The following SCFD2 variants were observed in gnomAD, a reference collection of about 807,000 sequenced individuals.
SCFD2 encodes the protein sec1 family domain containing 2.
In SCFD2, 54 loss-of-function variants were observed where a neutral mutation model predicts 58.9. The observed-to-expected ratio is 0.92, with a 90% confidence interval of 0.74 to 1.15. The LOEUF is 1.15. Ranked by LOEUF, SCFD2 falls within the 50% of genes most tolerant of loss-of-function variation. The pLI is 0.00. For missense variants in SCFD2, 805 were observed against 836.6 expected (o/e 0.96, Z 0.47); for synonymous variants, 321 against 335.9 (o/e 0.96, Z 0.49).
intron 5 of SCFD2, among the ~76,000 whole-genome samples, chr4:53,114,724 G>A (rs1237126331): frequency 6.6e-6 from 1 of 151,902 alleles, no homozygotes; most frequent in Non-Finnish European, 1.5e-5. Context: ...CATATCAGAA[G>A]GAAAAGTGGA....
At chr4:53,022,383 C>T (rs879398943) in intron 5 of SCFD2, among the ~76,000 whole-genome samples, 2 of 152,174 alleles carry the variant, frequency 1.3e-5, no homozygotes, top group African/African-American at 2.4e-5. Context: ...TGAAGGCTCA[C>T]ATTAAATCAG....
rs1734612951 is a variant in SCFD2, at chr4:53,363,675, T to C, written c.838+1429A>G. The stretch of plus-strand genomic sequence containing the variant: ...CGTCTCTACTAAAAATACGAAAAGT[T>C]AGCCCGGCGTAGTGGCGGGCGCCTG... On this transcript the variant is annotated intron_variant, in intron 1 of 8. Coordinates refer to ENST00000401642, the MANE Select transcript of SCFD2 (RefSeq NM_152540.4). 2.6e-5 allele frequency among the ~76,000 whole-genome samples: 4 copies of C among 151,944 alleles called. No individual in the cohort carries two copies. In the South Asian group the frequency reaches 8.3e-4, roughly 32 times the overall value.
At chr4:53,069,942 T>C (rs1723771576) in intron 5 of SCFD2, among the ~76,000 whole-genome samples, 1 of 152,070 alleles carries the variant, frequency 6.6e-6, no homozygotes, top group African/African-American at 2.4e-5. Flanking sequence ...AGCTTCATAA[T>C]TAACTATTTT....
rs1300952414 is a variant in SCFD2 at position 53,365,023 on chromosome 4, T to C, written c.838+81A>G. 4 of 1,472,684 alleles carry C rather than the reference T, an allele frequency of 2.7e-6. No homozygotes were observed. The East Asian group carries it at 9.1e-5, about 33-fold the overall frequency. The allele number at this position is 1,472,684 out of a possible 1,614,324, so 91.2% of individuals were successfully genotyped here. ...CCTCAATCTAATATATAATAAAAGG[T>C]CAATAAAATATATGCTGAATCAATG... On this transcript the variant is annotated intron_variant, in intron 1 of 8. Coordinates refer to ENST00000401642, the MANE Select transcript of SCFD2 (RefSeq NM_152540.4). This position sits in a 1 kb window ranked among gnomAD's most constrained non-coding sequence, Gnocchi z 4.3.
At chr4:52,947,887 A>G (rs949917474) in intron 5 of SCFD2, among the ~76,000 whole-genome samples, 9 of 151,772 alleles carry the variant, frequency 5.9e-5, no homozygotes, top group Non-Finnish European at 8.8e-5. Flanking sequence ...CATAAAACCA[A>G]CAAAGGATTA....
chr4:53,299,021 T>G (rs1732162057), intron 3 of SCFD2, among the ~76,000 whole-genome samples: 1 of 151,668 alleles, frequency 6.6e-6, no homozygotes, highest in African/African-American at 2.4e-5. Context: ...AAACAGAAAC[T>G]CTAAAAATCA....
intron 4 of SCFD2, among the ~76,000 whole-genome samples, chr4:53,250,416 C>T (rs972921880): frequency 4.6e-5 from 7 of 152,200 alleles, no homozygotes; most frequent in Non-Finnish European, 8.8e-5. Context: ...AACAAGGATA[C>T]CCAGGAATTG....
intron 7 of SCFD2, among the ~76,000 whole-genome samples, chr4:52,891,144 G>T (rs2109452818): frequency 6.6e-6 from 1 of 152,074 alleles, no homozygotes; most frequent in Non-Finnish European, 1.5e-5. Context: ...ATTAGTAACA[G>T]CACTGCCACT....
At chr4:53,104,143 AG>A (rs1223244563) in intron 5 of SCFD2, among the ~76,000 whole-genome samples, 1 of 152,120 alleles carries the variant, frequency 6.6e-6, no homozygotes, top group Admixed American at 6.6e-5. Context: ...TACTTCCTAA[AG>A]AGTTGAGTAT....
chr4:53,040,972 T>C (rs2148824399), intron 5 of SCFD2, among the ~76,000 whole-genome samples: 1 of 152,242 alleles, frequency 6.6e-6, no homozygotes, highest in South Asian at 2.1e-4. Context: ...TTCCCTTATT[T>C]GGTGAAAGAA....
intron 5 of SCFD2, among the ~76,000 whole-genome samples, chr4:52,961,532 T>C (rs1720852271): frequency 6.6e-6 from 1 of 151,316 alleles, no homozygotes; most frequent in Non-Finnish European, 1.5e-5. Flanking sequence ...GAAGGAGAAA[T>C]GTCAGGGTGT....
At chr4:52,886,053 C>T (rs1043335296) in intron 7 of SCFD2, among the ~76,000 whole-genome samples, 187 bp from the exon 8 acceptor site, 1 of 152,178 alleles carries the variant, frequency 6.6e-6, no homozygotes, top group Non-Finnish European at 1.5e-5. Flanking sequence ...TAAAACCTAG[C>T]TACAAGTCCC....
At chr4:53,246,545 C>A (rs767296567) in intron 4 of SCFD2, among the ~76,000 whole-genome samples, 2 of 152,040 alleles carry the variant, frequency 1.3e-5, no homozygotes, top group Non-Finnish European at 2.9e-5. Context: ...TAAGGCTGCA[C>A]GCCTGTGACC....
chr4:53,175,341 T>C (rs1237593817), intron 4 of SCFD2, among the ~76,000 whole-genome samples: 5 of 152,156 alleles, frequency 3.3e-5, no homozygotes, highest in Non-Finnish European at 5.9e-5. Flanking sequence ...TTGAGACAAA[T>C]TGTAATGTTT....
At chr4:53,182,395 A>C (rs1452453726) in intron 4 of SCFD2, among the ~76,000 whole-genome samples, 1 of 152,202 alleles carries the variant, frequency 6.6e-6, no homozygotes, top group Admixed American at 6.5e-5. Context: ...AAAAACAAGC[A>C]ATGGGGAAAG....
At chr4:53,205,840 C>T (rs1161049423) in intron 4 of SCFD2, among the ~76,000 whole-genome samples, 2 of 149,648 alleles carry the variant, frequency 1.3e-5, no homozygotes, top group Non-Finnish European at 3.0e-5. Flanking sequence ...CCAGCCTGGG[C>T]TATTGAGCGA....
At chr4:53,156,737 TTAA>T (rs1726702112) in intron 4 of SCFD2, among the ~76,000 whole-genome samples, 1 of 152,336 alleles carries the variant, frequency 6.6e-6, no homozygotes. Context: ...GTCAAACTTA[TTAA>T]TCTTATTGAC....
At chr4:53,254,985 G>C (rs1730552249) in intron 4 of SCFD2, among the ~76,000 whole-genome samples, 1 of 150,226 alleles carries the variant, frequency 6.7e-6, no homozygotes, top group Non-Finnish European at 1.5e-5. Context: ...CCATTCTCCT[G>C]CCTCAGCCTC....
chr4:53,126,204 C>T (rs1725622176), intron 5 of SCFD2, among the ~76,000 whole-genome samples: 1 of 152,202 alleles, frequency 6.6e-6, no homozygotes, highest in Non-Finnish European at 1.5e-5. Context: ...TTTGCCAGTA[C>T]TACCTTAGAT....
Sources: gnomAD v4.1 joint callset for allele counts (sites outside exome capture counted in the v4.1 genomes callset) on GRCh38, gnomAD v4.1.1 for gene constraint, Gnocchi (gnomAD v3.1) non-coding constraint, MANE v1.5 for transcripts, NCBI Gene and HGNC (gene_info 2026-07-23, HGNC 2026-07-21) for gene names.